The following MCC variants were observed in gnomAD, a reference collection of about 807,000 sequenced individuals.
MCC encodes the protein colorectal mutant cancer protein.
MCC carries 90 observed loss-of-function variants against 116.2 expected under a neutral mutation model. That is an observed-to-expected ratio of 0.77 (90% CI 0.65 to 0.92). MCC has a LOEUF of 0.92. Ranked by LOEUF, MCC falls within the 40% of genes least tolerant of loss-of-function variation. The probability of loss-of-function intolerance (pLI) is 0.00; values close to 1 mark genes in which losing one functional copy is unlikely to be tolerated. For synonymous variants in MCC, 578 were observed against 510.5 expected (o/e 1.13, Z -1.78); for missense variants, 1,516 against 1,312.2 (o/e 1.16, Z -2.40).
chr5:113,488,351 T>TGTC lies in MCC; in HGVS notation c.63_64insGAC (p.Gly21_Ser22insAsp). ...TCGCTGCTGCTGCTGCTGCTGCCGC[T>TGTC]GCCGCCGCCGCCGCCGCCGCTGCTG... On this transcript the variant is annotated inframe_insertion, in exon 1 of 19. Coordinates refer to ENST00000408903, the MANE Select transcript of MCC (RefSeq NM_001085377.2). 1 of 1,455,516 alleles carries TGTC rather than the reference T, an allele frequency of 6.9e-7. No homozygotes were observed. The highest frequency in any genetic ancestry group is 9.1e-7 in the Non-Finnish European group (1 of 1,097,786). 90.2% of individuals were successfully genotyped at this position (1,455,516 alleles called of 1,614,324 possible).
intron 3 of MCC, among the ~76,000 whole-genome samples, chr5:113,298,513 G>A (rs1766767386): frequency 6.6e-6 from 1 of 152,178 alleles, no homozygotes; most frequent in South Asian, 2.1e-4. Context: ...ACAGGAAAAT[G>A]GGAGATGAGA....
rs1581252897 is a variant in MCC, at chr5:113,207,054, T to A, written c.628-55632A>T. Among the ~76,000 whole-genome samples the A allele has an allele frequency of 2.6e-5, 4 of 152,344 alleles. 1 individual carries two copies. Among genetic ancestry groups the A allele is most frequent in the Admixed American group, 2.6e-4 (4 of 15,300 alleles). On this transcript the variant is annotated intron_variant, in intron 3 of 18. Coordinates refer to ENST00000408903, the MANE Select transcript of MCC (RefSeq NM_001085377.2). ...GCCTTTGTGTAGTGGGCACTGTAGT[T>A]GGAACCAAGGGGGCAAAGATACGTA...
intron 1 of MCC, among the ~76,000 whole-genome samples, chr5:113,403,937 G>A (rs897334251): frequency 1.8e-4 from 27 of 152,266 alleles, no homozygotes; most frequent in African/African-American, 6.3e-4. Flanking sequence ...TGTGATCTCA[G>A]CATACTGCAA....
chr5:113,347,337 G>C (rs1047959097), intron 2 of MCC, among the ~76,000 whole-genome samples: 2 of 152,044 alleles, frequency 1.3e-5, no homozygotes, highest in Non-Finnish European at 2.9e-5. Context: ...GTTAAAAACT[G>C]GGGGGAAGAT....
At chr5:113,098,856 A>G (rs773591075) in intron 8 of MCC, among the ~76,000 whole-genome samples, 1 of 152,198 alleles carries the variant, frequency 6.6e-6, no homozygotes, top group East Asian at 1.9e-4. Context: ...TTGATGAACT[A>G]TGGATTCAGA....
At chr5:113,254,314 A>T (rs973556298) in intron 3 of MCC, among the ~76,000 whole-genome samples, 1 of 152,242 alleles carries the variant, frequency 6.6e-6, no homozygotes, top group Non-Finnish European at 1.5e-5. Context: ...ACTCCAGGAA[A>T]ATTAAAAATA....
At chr5:113,364,985 AGGTTTC>A (rs1768650552) in intron 2 of MCC, among the ~76,000 whole-genome samples, 3 of 152,186 alleles carry the variant, frequency 2.0e-5, no homozygotes, top group Non-Finnish European at 4.4e-5. Context: ...GCTGCTGTGC[AGGTTTC>A]TGAAATGCCT....
chr5:113,469,360 C>T (rs1307673074), intron 1 of MCC, among the ~76,000 whole-genome samples: 2 of 152,060 alleles, frequency 1.3e-5, no homozygotes, highest in Non-Finnish European at 2.9e-5. Flanking sequence ...TTGAATGTGT[C>T]CCAGAGATTC....
At chr5:113,088,012 A>C (rs891211916) in intron 8 of MCC, among the ~76,000 whole-genome samples, 2 of 152,240 alleles carry the variant, frequency 1.3e-5, no homozygotes, top group East Asian at 3.9e-4. Context: ...CTTGCTGTGT[A>C]TGTGCACACA....
In MCC at chr5:113,068,085, G is replaced by A. The variant is rs766862359; in HGVS notation, c.2024C>T (p.Ser675Phe). The part of the protein sequence containing the change: ...GQFRAAGVGS[S>F]PGDQSGDENI... ...GGGACTCTGGAGACACTTACCAGGGGAGGACCCCACGCCCGCCGCTCGGAA... is the reference window on the plus strand; with the variant it reads ...GGGACTCTGGAGACACTTACCAGGGAAGGACCCCACGCCCGCCGCTCGGAA... The change falls in exon 13 of 19, where the codon TCC becomes TTC. Residue 675 changes from serine (S) to phenylalanine (F), a missense_variant. Physicochemically the swap from Ser to Phe is radical, Grantham distance 155. Coordinates refer to ENST00000408903, the MANE Select transcript of MCC (RefSeq NM_001085377.2). The A allele has an allele frequency of 5.0e-6, 8 of 1,613,778 alleles. No individual in the cohort carries two copies. Among genetic ancestry groups the A allele is most frequent in the South Asian group, 1.1e-5 (1 of 91,078 alleles).
intron 2 of MCC, among the ~76,000 whole-genome samples, chr5:113,347,653 A>G (rs796917221): frequency 6.6e-6 from 1 of 152,282 alleles, no homozygotes; most frequent in African/African-American, 2.4e-5. Context: ...ACAGAAAGGA[A>G]GAAAAACAGG....
chr5:113,241,701 A>C (rs559253148), intron 3 of MCC, among the ~76,000 whole-genome samples: 1 of 152,324 alleles, frequency 6.6e-6, no homozygotes, highest in South Asian at 2.1e-4. Context: ...ACTGAAATCA[A>C]AAAAGGTATT....
intron 3 of MCC, among the ~76,000 whole-genome samples, chr5:113,228,908 G>C (rs2150333257): frequency 6.6e-6 from 1 of 152,252 alleles, no homozygotes; most frequent in Non-Finnish European, 1.5e-5. Context: ...AATGTTTTTG[G>C]CCGGAAAAAT....
rs780983572 is a variant in MCC, at chr5:113,122,725, G to A, written c.986C>T (p.Ser329Phe). The change falls in exon 6 of 19, where the codon TCT becomes TTT. Residue 329 changes from serine to phenylalanine, a missense_variant. Transcript: ENST00000408903. ...RSMDQDQTSV[S>F]IPENQSTMVT... ...CATGGTAGACTGGTTTTCGGGGATA[G>A]AGACAGAGGTCTGGTCTTGGTCCAT... is the stretch of plus-strand genomic sequence containing the variant. 17 of 1,614,096 alleles carry A rather than the reference G, an allele frequency of 1.1e-5. No homozygotes were observed. In the South Asian group the frequency reaches 1.9e-4, roughly 18 times the overall value.
At chr5:113,220,604 T>G (rs1763514694) in intron 3 of MCC, among the ~76,000 whole-genome samples, 1 of 152,222 alleles carries the variant, frequency 6.6e-6, no homozygotes, top group Non-Finnish European at 1.5e-5. Context: ...TTTTAGAATT[T>G]CAATTTCTGA....
At chr5:113,090,718 C>A (rs956694061) in intron 8 of MCC, among the ~76,000 whole-genome samples, 4 of 152,208 alleles carry the variant, frequency 2.6e-5, no homozygotes, top group Non-Finnish European at 4.4e-5. Flanking sequence ...AGAACAGAGG[C>A]TTTCAGAGGT....
At chr5:113,427,209 C>A (rs1429811049) in intron 1 of MCC, among the ~76,000 whole-genome samples, 1 of 152,108 alleles carries the variant, frequency 6.6e-6, no homozygotes, top group Admixed American at 6.5e-5. Flanking sequence ...AGCTTAAAAG[C>A]CCTTAGCCCA....
At chr5:113,414,842 A>T (rs556756613) in intron 1 of MCC, among the ~76,000 whole-genome samples, 2 of 152,126 alleles carry the variant, frequency 1.3e-5, no homozygotes, top group Non-Finnish European at 2.9e-5. Flanking sequence ...CCGTTAGTTG[A>T]TGCAGTTTCT....
chr5:113,422,295 G>A (rs1278384156), intron 1 of MCC, among the ~76,000 whole-genome samples: 1 of 152,126 alleles, frequency 6.6e-6, no homozygotes, highest in African/African-American at 2.4e-5. Context: ...ACAGATACAA[G>A]AGATATAAAC....
Sources: gnomAD v4.1 joint callset for allele counts (sites outside exome capture counted in the v4.1 genomes callset) on GRCh38, gnomAD v4.1.1 for gene constraint, MANE v1.5 for transcripts, NCBI Gene and HGNC (gene_info 2026-07-23, HGNC 2026-07-21) for gene names.